SLC27A3: variants seen among roughly 807,000 people sequenced by gnomAD.
SLC27A3 encodes the protein solute carrier family 27 member 3, also known as long-chain fatty acid transport protein 3.
In SLC27A3, 60 loss-of-function variants were observed where a neutral mutation model predicts 60.1. The ratio of observed to expected loss-of-function variants is 1.00; its 90% CI spans 0.81 to 1.24. The LOEUF (loss-of-function observed/expected upper bound fraction) is 1.24, where lower values mean the gene tolerates loss of function less well. Among genes scored for constraint, SLC27A3 ranks in the 50% most tolerant of loss-of-function variants. SLC27A3 has a pLI of 0.00. For synonymous variants in SLC27A3, 455 were observed against 409.0 expected (o/e 1.11, Z -1.36); for missense variants, 1,079 against 929.9 (o/e 1.16, Z -2.09).
intron 3 of SLC27A3, 34 bp from the exon 4 acceptor site, chr1:153,777,727 A>G (rs745375488): frequency 1.3e-6 from 2 of 1,539,072 alleles, no homozygotes; most frequent in South Asian, 1.1e-5. Context: ...TCCTAATCTT[A>G]CCTCCCTTCT....
At position 153,778,325 on chromosome 1, in the gene SLC27A3, C is replaced by A; in HGVS notation, c.1326C>A (p.Gly442=). 1 of 1,614,034 alleles carries A rather than the reference C, an allele frequency of 6.2e-7. No individual in the cohort carries two copies. The highest frequency in any genetic ancestry group is 8.5e-7 in the Non-Finnish European group (1 of 1,179,950). Residue 442 remains glycine, a synonymous_variant, in exon 5 of 10, where the codon GGC becomes GGA. Coordinates refer to ENST00000624995, the MANE Select transcript of SLC27A3 (RefSeq NM_024330.4). ...VATINYTGQR[G]AVGRASWLYK... Reference sequence around the variant, plus strand: ...CCATCAACTACACAGGACAGCGGGGCGCTGTGGGGCGTGCTTCCTGGCTTT... The same window carrying A: ...CCATCAACTACACAGGACAGCGGGGAGCTGTGGGGCGTGCTTCCTGGCTTT...
At position 153,776,181 on chromosome 1, in the gene SLC27A3, G is replaced by T; in HGVS notation, c.667+17G>T. The T allele has an allele frequency of 1.4e-6, 2 of 1,412,602 alleles. No individual in the cohort carries two copies. Among genetic ancestry groups the T allele is most frequent in the Non-Finnish European group, 1.8e-6 (2 of 1,093,636 alleles). 87.5% of individuals were successfully genotyped at this position (1,412,602 alleles called of 1,614,324 possible). On this transcript the variant is annotated intron_variant, in intron 1 of 9. Transcript: ENST00000624995. ...TGGCGCCAGGTAAGGCTGGAGCTCC[G>T]AACTGACTAAGGCGGGGCCAGCCAC... is the stretch of plus-strand genomic sequence containing the variant.
At position 153,777,594 on chromosome 1, in the gene SLC27A3, G is replaced by C. The variant is rs917150126; in HGVS notation, c.1037-167G>C. On this transcript the variant is annotated intron_variant, in intron 3 of 9. Coordinates refer to ENST00000624995, the MANE Select transcript of SLC27A3 (RefSeq NM_024330.4). The stretch of plus-strand genomic sequence containing the variant: ...CTTCTAAGGCTGGGGACAGGGGCCG[G>C]GGGAGGGGAAAGAGGGCCAGCACGG... 24 of 863,246 alleles carry C rather than the reference G, an allele frequency of 2.8e-5. No homozygotes were observed. The South Asian group carries it at 3.4e-4, about 12-fold the overall frequency. 53.5% of individuals were successfully genotyped at this position (863,246 alleles called of 1,614,324 possible). A position where few individuals can be genotyped will look rare whatever the true frequency, so the allele number is the denominator to read the frequency against.
intron 3 of SLC27A3, 53 bp downstream of exon 3, chr1:153,777,273 G>GCA (rs1298226032): frequency 1.9e-6 from 3 of 1,600,528 alleles, no homozygotes; most frequent in Non-Finnish European, 2.6e-6. Context: ...CATTTATTAA[G>GCA]CACGTACTAT....
chr1:153,776,952 T>G lies in SLC27A3; in HGVS notation c.878-110T>G, dbSNP rs1426021617. 7.1e-6 allele frequency: 9 copies of G among 1,274,092 alleles called. No homozygotes were observed. The East Asian group carries it at 2.1e-4, about 30-fold the overall frequency. The allele number at this position is 1,274,092 out of a possible 1,614,324, so 78.9% of individuals were successfully genotyped here. A position where few individuals can be genotyped will look rare whatever the true frequency, so the allele number is the denominator to read the frequency against. The stretch of plus-strand genomic sequence containing the variant: ...GACAGCCTGGTCTCGGTCCTCAGCT[T>G]CTGTCCTGCCTCCGCCTCTTTCTGT... On this transcript the variant is annotated intron_variant, in intron 2 of 9. Transcript: ENST00000624995.
At chr1:153,779,620 G>C in intron 9 of SLC27A3, 147 bp downstream of exon 9, 1 of 1,030,056 alleles carries the variant, frequency 9.7e-7, no homozygotes, top group Non-Finnish European at 1.4e-6. Context: ...GAAAAAACAC[G>C]GAGACACAAG....
intron 1 of SLC27A3, 151 bp downstream of exon 1, chr1:153,776,315 G>C: frequency 7.2e-7 from 1 of 1,397,664 alleles, no homozygotes; most frequent in Non-Finnish European, 9.4e-7. Context: ...GGAGTCTCCG[G>C]GTTTGAGAAG....
chr1:153,776,796 C>T, intron 2 of SLC27A3, 69 bp downstream of exon 2: 1 of 1,471,012 alleles, frequency 6.8e-7, no homozygotes, highest in Non-Finnish European at 9.4e-7. Context: ...TGCTCCCAGA[C>T]CACTCCTTCA....
chr1:153,777,701 G>T, intron 3 of SLC27A3, 60 bp from the exon 4 acceptor site: 4 of 1,595,956 alleles, frequency 2.5e-6, no homozygotes, highest in South Asian at 1.1e-5. Flanking sequence ...AGAGGGGCTT[G>T]GGCTCCCCAC....
In SLC27A3 at chr1:153,779,894, C is replaced by CT; in HGVS notation, c.1944_1945insT (p.Ser649Ter). On this transcript the variant is annotated frameshift_variant, in exon 10 of 10. Transcript: ENST00000624995. LOFTEE classifies it low-confidence loss of function (END_TRUNC). Reference sequence around the variant, plus strand: ...GGATGGCAAATGAGGGCTTCGACCCCAGCACCCTGTCTGACCCACTGTACG... The same window carrying CT: ...GGATGGCAAATGAGGGCTTCGACCCCTAGCACCCTGTCTGACCCACTGTACG... 1.2e-6 allele frequency: 2 copies of CT among 1,614,104 alleles called. No homozygotes were observed. The highest frequency in any genetic ancestry group is 8.5e-7 in the Non-Finnish European group (1 of 1,180,014).
At position 153,779,405 on chromosome 1, in the gene SLC27A3, A is replaced by G. The variant is rs1673417237; in HGVS notation, c.1807A>G (p.Met603Val). The change falls in exon 9 of 10, where the codon ATG becomes GTG. Residue 603 changes from methionine (M) to valine (V), a missense_variant. Physicochemically the swap from Met to Val is conservative, Grantham distance 21 (BLOSUM62 1). Coordinates refer to ENST00000624995, the MANE Select transcript of SLC27A3 (RefSeq NM_024330.4). Reference sequence around the variant, plus strand: ...GCGTCCCCCCCACGCTTTGGACCTTATGCAGCTCTACACCCACGTGTCTGA... The same window carrying G: ...GCGTCCCCCCCACGCTTTGGACCTTGTGCAGCTCTACACCCACGTGTCTGA... Reference protein sequence around the residue: ...VLRPPHALDLMQLYTHVSENL... With the variant: ...VLRPPHALDLVQLYTHVSENL... The G allele has an allele frequency of 6.2e-7, 1 of 1,613,688 alleles. No homozygotes were observed. Among genetic ancestry groups the G allele is most frequent in the Non-Finnish European group, 8.5e-7 (1 of 1,179,942 alleles).
chr1:153,777,875 A>G lies in SLC27A3; in HGVS notation c.1151A>G (p.Asn384Ser), dbSNP rs1553242726. ...GGGGAGCTGTGCCGATACCTTGTCA[A>G]CCAGCCCCCGGTGCGTGGGCACAGA... is the stretch of plus-strand genomic sequence containing the variant. ...YIGELCRYLV[N>S]QPPSKAERGH... The change falls in exon 4 of 10, where the codon AAC becomes AGC. Residue 384 changes from asparagine to serine, a missense_variant. Coordinates refer to ENST00000624995, the MANE Select transcript of SLC27A3 (RefSeq NM_024330.4). 1.9e-6 allele frequency: 3 copies of G among 1,614,192 alleles called. No homozygotes were observed. Among genetic ancestry groups the G allele is most frequent in the Non-Finnish European group, 2.5e-6 (3 of 1,180,026 alleles).
chr1:153,776,783 G>T, intron 2 of SLC27A3, 56 bp downstream of exon 2: 1 of 1,552,592 alleles, frequency 6.4e-7, no homozygotes, highest in Non-Finnish European at 8.9e-7. Context: ...GAAGGCAGGG[G>T]TCTGCTCCCA....
chr1:153,777,703 G>A (rs1673299388), intron 3 of SLC27A3, 58 bp from the exon 4 acceptor site: 3 of 1,600,074 alleles, frequency 1.9e-6, no homozygotes, highest in Admixed American at 1.7e-5. Context: ...AGGGGCTTGG[G>A]CTCCCCACTC....
At chr1:153,777,279 A>C in intron 3 of SLC27A3, 59 bp downstream of exon 3, 4 of 1,590,436 alleles carry the variant, frequency 2.5e-6, no homozygotes, top group Non-Finnish European at 3.4e-6. Context: ...TTAAGCACGT[A>C]CTATGGTGTG....
Position 153,777,131 on chromosome 1 carries a change from G to A in SLC27A3, c.947G>A (p.Gly316Asp), listed in dbSNP as rs769274892. The A allele has an allele frequency of 3.1e-6, 5 of 1,614,258 alleles. No individual in the cohort carries two copies. Among genetic ancestry groups the A allele is most frequent in the Non-Finnish European group, 4.2e-6 (5 of 1,180,058 alleles). The part of the protein sequence containing the change: ...LQCQGFYQLC[G>D]VHQEDVIYLA... ...TGCCAGGGCTTCTATCAGCTGTGTG[G>A]TGTCCACCAGGAAGATGTGATCTAC... The change falls in exon 3 of 10, where the codon GGT becomes GAT. Residue 316 changes from glycine (G) to aspartate (D), a missense_variant. Physicochemically the swap from Gly to Asp is moderately conservative, Grantham distance 94. Coordinates refer to ENST00000624995, the MANE Select transcript of SLC27A3 (RefSeq NM_024330.4).
chr1:153,778,539 T>A lies in SLC27A3; in HGVS notation c.1433T>A (p.Met478Lys). ...ATTCGGGACCCCCAGGGGCACTGTA[T>A]GGCCACATCTCCAGGTTGGTGGTGT... The part of the protein sequence containing the change: ...EPIRDPQGHC[M>K]ATSPGEPGLL... The change falls in exon 6 of 10, where the codon ATG becomes AAG. Residue 478 changes from methionine (M) to lysine (K), a missense_variant. Transcript: ENST00000624995. 1 of 1,614,094 alleles carries A rather than the reference T, an allele frequency of 6.2e-7. No individual in the cohort carries two copies. Among genetic ancestry groups the A allele is most frequent in the Non-Finnish European group, 8.5e-7 (1 of 1,179,978 alleles).
In SLC27A3 at chr1:153,778,357, T is replaced by G; in HGVS notation, c.1356+2T>G. The G allele has an allele frequency of 6.2e-7, 1 of 1,613,586 alleles. No homozygotes were observed. Among genetic ancestry groups the G allele is most frequent in the South Asian group, 1.1e-5 (1 of 91,066 alleles). On this transcript the variant is annotated splice_donor_variant, in intron 5 of 9. Transcript: ENST00000624995. LOFTEE classifies it high-confidence loss of function. ...GGGCGTGCTTCCTGGCTTTACAAGGTGAGGGGCAGAGAGGAAACTGAAAAC... is the reference window on the plus strand; with the variant it reads ...GGGCGTGCTTCCTGGCTTTACAAGGGGAGGGGCAGAGAGGAAACTGAAAAC...
chr1:153,779,500 C>A (rs773341924), intron 9 of SLC27A3, 27 bp downstream of exon 9: 5 of 1,605,474 alleles, frequency 3.1e-6, no homozygotes, highest in Non-Finnish European at 4.2e-6. Flanking sequence ...CCCGCCGGCC[C>A]CTCACCCCAT....
Sources: allele counts gnomAD v4.1 joint callset, GRCh38; gene constraint gnomAD v4.1.1; transcripts MANE v1.5; gene names NCBI Gene and HGNC (gene_info 2026-07-23, HGNC 2026-07-21).